The following PTPRD variants were observed in gnomAD, a reference collection of about 807,000 sequenced individuals.
PTPRD encodes receptor-type tyrosine-protein phosphatase delta.
In PTPRD, 34 loss-of-function variants were observed where a neutral mutation model predicts 214.5. That is an observed-to-expected ratio of 0.16 (90% CI 0.12 to 0.21). PTPRD has a LOEUF of 0.21. PTPRD is among the 10% of genes least tolerant of loss of function. The pLI, the probability that PTPRD is intolerant of heterozygous loss-of-function variation, is 1.00. For synonymous variants in PTPRD, 1,128 were observed against 845.7 expected (o/e 1.33, Z -5.79); for missense variants, 2,545 against 2,398.7 (o/e 1.06, Z -1.27).
chr9:10,447,349 A>G (rs923192183), intron 2 of PTPRD, among the ~76,000 whole-genome samples: 1 of 151,976 alleles, frequency 6.6e-6, no homozygotes, highest in African/African-American at 2.4e-5. Flanking sequence ...CATGTCCTAC[A>G]CCATCATCTT....
At chr9:10,355,630 G>A (rs2097263164) in intron 2 of PTPRD, among the ~76,000 whole-genome samples, 1 of 151,616 alleles carries the variant, frequency 6.6e-6, no homozygotes. Flanking sequence ...AGGCATGCAC[G>A]ACCATGTCCG....
intron 3 of PTPRD, among the ~76,000 whole-genome samples, chr9:10,048,095 A>T (rs1483962378): frequency 6.6e-6 from 1 of 152,188 alleles, no homozygotes; most frequent in Non-Finnish European, 1.5e-5. Flanking sequence ...AGCAGAAAAC[A>T]TATACAAGGT....
intron 14 of PTPRD, among the ~76,000 whole-genome samples, chr9:8,620,089 A>G (rs116644297): frequency 1.6e-3 from 241 of 152,128 alleles, no homozygotes; most frequent in African/African-American, 5.6e-3. Context: ...AGAACCTCAG[A>G]TGGAACACCT....
At chr9:8,438,394 T>C (rs2095430151) in intron 34 of PTPRD, among the ~76,000 whole-genome samples, 1 of 152,180 alleles carries the variant, frequency 6.6e-6, no homozygotes. Flanking sequence ...TAAAACTGAA[T>C]TGCTTGCAAG....
intron 11 of PTPRD, among the ~76,000 whole-genome samples, chr9:8,803,911 A>G (rs2096620997): frequency 6.6e-6 from 1 of 152,014 alleles, no homozygotes; most frequent in Non-Finnish European, 1.5e-5. Context: ...TTTTCTTTTA[A>G]TATCTACTGG....
At chr9:8,630,622 G>T (rs1277994781) in intron 14 of PTPRD, among the ~76,000 whole-genome samples, 1 of 151,680 alleles carries the variant, frequency 6.6e-6, no homozygotes, top group Non-Finnish European at 1.5e-5. Context: ...TAAAAAAATG[G>T]AAAGGGTTAA....
chr9:9,206,739 T>C (rs1363941756), intron 9 of PTPRD, among the ~76,000 whole-genome samples: 1 of 152,230 alleles, frequency 6.6e-6, no homozygotes, highest in African/African-American at 2.4e-5. Flanking sequence ...GCTTTTGGAC[T>C]CTTGGACTTA....
chr9:9,259,238 G>C (rs967686512), intron 9 of PTPRD, among the ~76,000 whole-genome samples: 12 of 151,836 alleles, frequency 7.9e-5, no homozygotes, highest in Non-Finnish European at 1.5e-4. Flanking sequence ...ACATAGCCCA[G>C]GGTTCTTTAT....
intron 2 of PTPRD, among the ~76,000 whole-genome samples, chr9:10,594,777 G>A (rs10809127): frequency 0.28 from 41,807 of 151,860 alleles, 6,332 homozygotes; most frequent in Admixed American, 0.34. Flanking sequence ...GTGTGTGGTA[G>A]GGGCAGCTGG....
intron 3 of PTPRD, among the ~76,000 whole-genome samples, chr9:10,339,433 A>G (rs1467780031): frequency 6.6e-6 from 1 of 151,686 alleles, no homozygotes; most frequent in Non-Finnish European, 1.5e-5. Context: ...AATTTAAGGT[A>G]AACAGGAATC....
chr9:9,791,305 C>G (rs2098965632), intron 5 of PTPRD, among the ~76,000 whole-genome samples: 1 of 151,970 alleles, frequency 6.6e-6, no homozygotes, highest in East Asian at 1.9e-4. Context: ...CACGTTTGTT[C>G]TTTAAGAAAT....
chr9:10,122,221 T>C (rs1040721686), intron 3 of PTPRD, among the ~76,000 whole-genome samples: 59 of 152,202 alleles, frequency 3.9e-4, no homozygotes, highest in Non-Finnish European at 1.9e-4. Flanking sequence ...GGCAGGAGAA[T>C]CACTTGAACC....
At chr9:9,311,238 A>T (rs1268846470) in intron 9 of PTPRD, among the ~76,000 whole-genome samples, 2 of 152,204 alleles carry the variant, frequency 1.3e-5, no homozygotes, top group Non-Finnish European at 2.9e-5. Context: ...CAGCAAGATT[A>T]CATAAGAGGT....
At chr9:9,345,016 G>A (rs2048283673) in intron 9 of PTPRD, among the ~76,000 whole-genome samples, 1 of 152,060 alleles carries the variant, frequency 6.6e-6, no homozygotes, top group Non-Finnish European at 1.5e-5. Context: ...TAATGCCCTA[G>A]AAGTCATATA....
chr9:9,341,398 C>T (rs916024820), intron 9 of PTPRD, among the ~76,000 whole-genome samples: 1 of 152,076 alleles, frequency 6.6e-6, no homozygotes, highest in African/African-American at 2.4e-5. Flanking sequence ...GCGCAGGTGT[C>T]TGTTAGTACC....
chr9:9,642,132 G>A (rs1337140831), intron 7 of PTPRD, among the ~76,000 whole-genome samples: 1 of 146,968 alleles, frequency 6.8e-6, no homozygotes, highest in African/African-American at 2.5e-5. Context: ...GGATGAAATT[G>A]GAAATCATCA....
intron 4 of PTPRD, among the ~76,000 whole-genome samples, chr9:9,943,883 C>T (rs1195735437): frequency 6.6e-6 from 1 of 152,144 alleles, no homozygotes; most frequent in Non-Finnish European, 1.5e-5. Context: ...GCTCTCATCC[C>T]AATCTGCAAA....
intron 10 of PTPRD, among the ~76,000 whole-genome samples, chr9:9,033,534 G>A (rs1049121022): frequency 1.3e-5 from 2 of 152,084 alleles, no homozygotes; most frequent in African/African-American, 4.8e-5. Context: ...TCTATAAAAG[G>A]ATTCATCATT....
intron 11 of PTPRD, among the ~76,000 whole-genome samples, chr9:8,748,057 T>G (rs1361411654): frequency 6.6e-6 from 1 of 152,148 alleles, no homozygotes; most frequent in African/African-American, 2.4e-5. Flanking sequence ...GCTCCGATGT[T>G]AACGACATTG....
Sources: allele counts gnomAD v4.1 joint callset (sites outside exome capture counted in the v4.1 genomes callset), GRCh38; gene constraint gnomAD v4.1.1; transcripts MANE v1.5; gene names NCBI Gene and HGNC (gene_info 2026-07-23, HGNC 2026-07-21).